TP63: variants seen among roughly 807,000 people sequenced by gnomAD.
The protein encoded by TP63 is tumor protein 63.
Under a neutral mutation model 82.8 loss-of-function variants are expected in TP63, and 17 were observed. The observed-to-expected ratio is 0.21, with a 90% CI of 0.14 to 0.31. TP63 has a LOEUF of 0.31. Among genes scored for constraint, TP63 ranks in the 10% least tolerant of loss-of-function variants. The pLI is 1.00. For synonymous variants in TP63, 330 were observed against 321.7 expected (o/e 1.03, Z -0.28); for missense variants, 648 against 895.3 (o/e 0.72, Z 3.52).
At chr3:189,762,685 C>T (rs1040447690) in intron 3 of TP63, among the ~76,000 whole-genome samples, 24 of 152,206 alleles carry the variant, frequency 1.6e-4, no homozygotes, top group African/African-American at 4.6e-4. Flanking sequence ...TCTTCCTTGG[C>T]AAAAGAACTA....
intron 1 of TP63, among the ~76,000 whole-genome samples, chr3:189,662,961 C>A (rs1714054733): frequency 6.6e-6 from 1 of 151,894 alleles, no homozygotes. Flanking sequence ...ATAAAGTGGT[C>A]TGAATAGATT....
chr3:189,783,411 A>C (rs1313744092), intron 3 of TP63, among the ~76,000 whole-genome samples: 2 of 152,132 alleles, frequency 1.3e-5, no homozygotes, highest in Admixed American at 1.3e-4. Context: ...TTCTAGGATA[A>C]ATGACTGCAA....
Position 189,650,544 on chromosome 3 carries a change from G to C in TP63, c.62+18967G>C, listed in dbSNP as rs752875540. Among the ~76,000 whole-genome samples, 8 of 145,806 alleles carry C rather than the reference G, an allele frequency of 5.5e-5. 1 individual carries two copies. Among genetic ancestry groups the C allele is most frequent in the Non-Finnish European group, 1.2e-4 (8 of 66,994 alleles). On this transcript the variant is annotated intron_variant, in intron 1 of 13. Transcript: ENST00000264731. ...TATGAGATCTGATGGTTTTATAAGG[G>C]GCTTCCCACTTCACTGGACACTCTT...
At chr3:189,610,655 CA>C in the TP63 span, among the ~76,000 whole-genome samples, 1 of 152,296 alleles carries the variant, frequency 6.6e-6, no homozygotes, top group South Asian at 2.1e-4. Flanking sequence ...CTGAGCCCTC[CA>C]AACTGTTCCA....
chr3:189,631,833 G>A (rs1301834057), intron 1 of TP63, among the ~76,000 whole-genome samples: 2 of 152,088 alleles, frequency 1.3e-5, no homozygotes, highest in Admixed American at 6.6e-5. Flanking sequence ...CGCCATTTAA[G>A]AATGTTTAAA....
intron 2 of TP63, 87 bp from the exon 3 acceptor site, chr3:189,738,555 G>A (rs1720760595): frequency 6.3e-7 from 1 of 1,598,330 alleles, no homozygotes; most frequent in Non-Finnish European, 8.6e-7. Context: ...TGACTTTGAA[G>A]CAGAAAATGC....
chr3:189,765,589 A>G (rs1345106170), intron 3 of TP63, among the ~76,000 whole-genome samples: 1 of 151,186 alleles, frequency 6.6e-6, no homozygotes, highest in Non-Finnish European at 1.5e-5. Context: ...CCCACCAAAC[A>G]TTCCCAGCTA....
the TP63 span, among the ~76,000 whole-genome samples, chr3:189,606,326 T>C: frequency 1.3e-5 from 2 of 151,832 alleles, no homozygotes; most frequent in African/African-American, 4.8e-5. Flanking sequence ...AAATACAACA[T>C]TAAAATCAAC....
intron 3 of TP63, among the ~76,000 whole-genome samples, chr3:189,805,638 C>A (rs966461910): frequency 2.6e-5 from 4 of 152,164 alleles, no homozygotes; most frequent in African/African-American, 9.7e-5. Flanking sequence ...TTGCCGAGGC[C>A]CGCTCACCAG....
intron 3 of TP63, among the ~76,000 whole-genome samples, chr3:189,760,412 G>A (rs535854792): frequency 2.0e-5 from 3 of 152,276 alleles, no homozygotes; most frequent in African/African-American, 7.2e-5. Flanking sequence ...CAAAACAAAG[G>A]GGCTACTGGC....
chr3:189,761,077 C>T (rs919761760), intron 3 of TP63, among the ~76,000 whole-genome samples: 2 of 152,168 alleles, frequency 1.3e-5, no homozygotes, highest in African/African-American at 2.4e-5. Context: ...CTTTTTCCTC[C>T]TAAACCTCCA....
intron 1 of TP63, among the ~76,000 whole-genome samples, chr3:189,728,830 A>C (rs1221190004): frequency 6.6e-6 from 1 of 152,026 alleles, no homozygotes; most frequent in Non-Finnish European, 1.5e-5. Context: ...GTGGCGGAGA[A>C]CCTCCCCCAT....
chr3:189,675,699 T>C (rs938989442), intron 1 of TP63, among the ~76,000 whole-genome samples: 2 of 152,048 alleles, frequency 1.3e-5, no homozygotes, highest in Non-Finnish European at 2.9e-5. Flanking sequence ...CACGGTTATG[T>C]CTCCTGCTCC....
chr3:189,868,753 A>G (rs781579998), intron 8 of TP63, 37 bp downstream of exon 8: 41 of 1,613,498 alleles, frequency 2.5e-5, no homozygotes, highest in Non-Finnish European at 3.1e-5. Flanking sequence ...GTAGGGTTGA[A>G]TCTTCTCCAG....
intron 9 of TP63, among the ~76,000 whole-genome samples, chr3:189,872,027 G>T (rs183278093): frequency 6.6e-6 from 1 of 152,254 alleles, no homozygotes; most frequent in East Asian, 1.9e-4. Flanking sequence ...AATTGTAAAA[G>T]CCTTTAAGAG....
At chr3:189,798,819 G>A (rs1157232854) in intron 3 of TP63, among the ~76,000 whole-genome samples, 1 of 152,076 alleles carries the variant, frequency 6.6e-6, no homozygotes, top group Non-Finnish European at 1.5e-5. Flanking sequence ...TAAGACGAGT[G>A]TCTTTTCAAA....
At chr3:189,597,657 G>A in the TP63 span, among the ~76,000 whole-genome samples, 1 of 152,298 alleles carries the variant, frequency 6.6e-6, no homozygotes, top group Admixed American at 6.5e-5. Context: ...TGGTGCGGTG[G>A]CTCATGCTTG....
chr3:189,789,372 T>C (rs1401783809), intron 3 of TP63, among the ~76,000 whole-genome samples: 1 of 151,984 alleles, frequency 6.6e-6, no homozygotes, highest in African/African-American at 2.4e-5. Flanking sequence ...TGGTGCGGTT[T>C]GTTTGGGGAG....
chr3:189,808,053 T>C (rs1334302685), intron 3 of TP63, among the ~76,000 whole-genome samples: 1 of 152,190 alleles, frequency 6.6e-6, no homozygotes, highest in Non-Finnish European at 1.5e-5. Context: ...AGGTGGCACA[T>C]AGAGCTGAGT....
Sources: allele counts gnomAD v4.1 joint callset (sites outside exome capture counted in the v4.1 genomes callset), GRCh38; gene constraint gnomAD v4.1.1; transcripts MANE v1.5; gene names NCBI Gene and HGNC (gene_info 2026-07-23, HGNC 2026-07-21).